The following MSRA variants were observed in gnomAD, a reference collection of about 807,000 sequenced individuals.
The protein encoded by MSRA is mitochondrial peptide methionine sulfoxide reductase.
MSRA carries 54 observed loss-of-function variants against 31.3 expected under a neutral mutation model. The observed-to-expected ratio is 1.73, with a 90% CI of 1.39 to 2.17. The LOEUF (loss-of-function observed/expected upper bound fraction) is 2.17. Among genes scored for constraint, MSRA ranks in the 30% most tolerant of loss-of-function variants. The pLI, the probability that MSRA is intolerant of heterozygous loss-of-function variation, is 0.00. For missense variants in MSRA, 507 were observed against 300.9 expected, an observed-to-expected ratio of 1.69 and a Z score of -5.07; for synonymous variants, 169 against 116.5, an observed-to-expected ratio of 1.45 and a Z score of -2.90.
intron 3 of MSRA, among the ~76,000 whole-genome samples, chr8:10,269,018 G>T (rs1036345997): frequency 5.3e-5 from 8 of 152,236 alleles, no homozygotes; most frequent in Non-Finnish European, 1.2e-4. Flanking sequence ...CCATTTGCAG[G>T]TGCGCTGTGT....
At chr8:10,174,163 A>T (rs907413534) in intron 1 of MSRA, among the ~76,000 whole-genome samples, 4 of 152,202 alleles carry the variant, frequency 2.6e-5, no homozygotes, top group African/African-American at 9.6e-5. Flanking sequence ...CTGTCTGCAC[A>T]TTCCAAACAG....
intron 4 of MSRA, among the ~76,000 whole-genome samples, chr8:10,302,728 G>A (rs922062309): frequency 1.3e-5 from 2 of 152,212 alleles, no homozygotes; most frequent in African/African-American, 4.8e-5. Context: ...CAGGGCAGAT[G>A]GCGGCCTAGA....
rs375443721 is a variant in MSRA at position 10,059,352 on chromosome 8, C to CA, written c.142+4695dup. On this transcript the variant is annotated intron_variant, in intron 1 of 5. Transcript: ENST00000317173. ...AACCCAAAGAAGTAGTAACTGTTATCACCACTTATAGATGTGGAAACTGAG... is the reference window on the plus strand; with the variant it reads ...AACCCAAAGAAGTAGTAACTGTTATCAACCACTTATAGATGTGGAAACTGAG... Among the ~76,000 whole-genome samples, 153 of 152,284 alleles carry CA rather than the reference C, an allele frequency of 1.0e-3. 1 individual carries two copies. Among genetic ancestry groups the CA allele is most frequent in the African/African-American group, 3.3e-3 (139 of 41,568 alleles).
intron 1 of MSRA, among the ~76,000 whole-genome samples, chr8:10,126,067 G>A (rs1273995335): frequency 6.6e-6 from 1 of 152,180 alleles, no homozygotes; most frequent in Admixed American, 6.5e-5. Context: ...GAAAACCGTG[G>A]AAATCATGCT....
chr8:10,202,565 T>C (rs1158810713), intron 1 of MSRA, among the ~76,000 whole-genome samples: 1 of 152,178 alleles, frequency 6.6e-6, no homozygotes, highest in Non-Finnish European at 1.5e-5. Flanking sequence ...ATGGGTACTG[T>C]GTTGAGAAAA....
chr8:10,157,963 G>A (rs1183509624), intron 1 of MSRA, among the ~76,000 whole-genome samples: 1 of 152,156 alleles, frequency 6.6e-6, no homozygotes, highest in African/African-American at 2.4e-5. Context: ...CATATACTGG[G>A]TGGCTTATAT....
intron 3 of MSRA, among the ~76,000 whole-genome samples, chr8:10,259,958 C>A (rs937514069): frequency 2.0e-5 from 3 of 152,366 alleles, no homozygotes; most frequent in East Asian, 1.9e-4. Flanking sequence ...TTGGCACAGG[C>A]CCTCTGAGGA....
At chr8:10,259,105 G>GA (rs374191943) in intron 3 of MSRA, among the ~76,000 whole-genome samples, 30,453 of 134,864 alleles carry the variant, frequency 0.23, 3,770 homozygotes, top group Admixed American at 0.34. Context: ...TCTGTCAAAG[G>GA]AAAAAAAAAA....
intron 3 of MSRA, among the ~76,000 whole-genome samples, chr8:10,256,775 C>T (rs1447735152): frequency 6.6e-6 from 1 of 152,042 alleles, no homozygotes; most frequent in Non-Finnish European, 1.5e-5. Context: ...TCTGTCCCCC[C>T]GAGGCGAAGC....
At chr8:10,201,639 A>T (rs1293701167) in intron 1 of MSRA, among the ~76,000 whole-genome samples, 1 of 152,256 alleles carries the variant, frequency 6.6e-6, no homozygotes, top group Admixed American at 6.5e-5. Flanking sequence ...GAAGAAAGTC[A>T]TACAATTTGA....
chr8:10,188,008 T>A (rs1327486123), intron 1 of MSRA, among the ~76,000 whole-genome samples: 1 of 152,218 alleles, frequency 6.6e-6, no homozygotes, highest in Non-Finnish European at 1.5e-5. Context: ...AGTTCACCTT[T>A]TAAACAATTA....
In MSRA at chr8:10,089,957, A is replaced by G. The variant is rs551791718; in HGVS notation, c.142+35299A>G. On this transcript the variant is annotated intron_variant, in intron 1 of 5. Transcript: ENST00000317173. The stretch of plus-strand genomic sequence containing the variant: ...CACCTTCCACGAGGCACCACCTCCC[A>G]ACACCATCACAGTGGGTATCAAATT... 2.6e-5 allele frequency among the ~76,000 whole-genome samples: 4 copies of G among 152,272 alleles called. No homozygotes were observed. In the South Asian group the frequency reaches 8.3e-4, roughly 32 times the overall value.
At chr8:10,117,080 G>T (rs867125617) in intron 1 of MSRA, among the ~76,000 whole-genome samples, 74 of 152,302 alleles carry the variant, frequency 4.9e-4, no homozygotes, top group South Asian at 2.9e-3. Flanking sequence ...GAGCAACTAT[G>T]CAGGAGCATG....
intron 1 of MSRA, among the ~76,000 whole-genome samples, chr8:10,106,567 A>G (rs1475749758): frequency 6.6e-6 from 1 of 152,182 alleles, no homozygotes; most frequent in Non-Finnish European, 1.5e-5. Flanking sequence ...TGGCAGACAC[A>G]CACACCACAC....
At chr8:10,397,815 C>G (rs1479797165) in intron 5 of MSRA, among the ~76,000 whole-genome samples, 1 of 152,138 alleles carries the variant, frequency 6.6e-6, no homozygotes, top group Non-Finnish European at 1.5e-5. Context: ...TTCTCATAGT[C>G]TCATAGTCTT....
intron 1 of MSRA, among the ~76,000 whole-genome samples, chr8:10,087,146 T>C (rs1460371438): frequency 6.6e-6 from 1 of 152,214 alleles, no homozygotes; most frequent in Non-Finnish European, 1.5e-5. Context: ...CTTAAACATC[T>C]TGAGGGTTGG....
intron 1 of MSRA, among the ~76,000 whole-genome samples, chr8:10,169,719 C>G (rs1021337183): frequency 1.3e-5 from 2 of 152,152 alleles, no homozygotes; most frequent in Admixed American, 6.5e-5. Context: ...TTGTCTGATG[C>G]TATTGTAAAT....
chr8:10,390,289 C>T (rs2129179102), intron 5 of MSRA, among the ~76,000 whole-genome samples: 2 of 152,290 alleles, frequency 1.3e-5, no homozygotes, highest in South Asian at 4.1e-4. Flanking sequence ...ATGGGCGTGG[C>T]CTTGTGTTTC....
At chr8:10,339,954 C>G (rs1314283253) in intron 5 of MSRA, among the ~76,000 whole-genome samples, 1 of 152,206 alleles carries the variant, frequency 6.6e-6, no homozygotes, top group Non-Finnish European at 1.5e-5. Flanking sequence ...CCTCTGCTCT[C>G]CCTCTTCTTA....
Sources: gnomAD v4.1 joint callset for allele counts (sites outside exome capture counted in the v4.1 genomes callset) on GRCh38, gnomAD v4.1.1 for gene constraint, MANE v1.5 for transcripts, NCBI Gene and HGNC (gene_info 2026-07-23, HGNC 2026-07-21) for gene names.